Variants in SLIT3 observed in about 807,000 individuals in gnomAD.
SLIT3 encodes slit homolog 3 protein.
A neutral mutation model predicts 184.0 loss-of-function variants in SLIT3; 68 were observed. The ratio of observed to expected loss-of-function variants is 0.37; its 90% CI spans 0.30 to 0.45. The LOEUF (loss-of-function observed/expected upper bound fraction) is 0.45, where lower values mean the gene tolerates loss of function less well. Among genes scored for constraint, SLIT3 ranks in the 20% least tolerant of loss-of-function variants. The probability of loss-of-function intolerance (pLI) is 1.00; values close to 1 mark genes in which losing one functional copy is unlikely to be tolerated. For missense variants in SLIT3, 1,707 were observed against 2,026.0 expected (o/e 0.84, Z 3.02); for synonymous variants, 831 against 828.6 (o/e 1.00, Z -0.05).
chr5:168,990,023 G>T (rs1231657732), intron 4 of SLIT3, among the ~76,000 whole-genome samples: 1 of 152,226 alleles, frequency 6.6e-6, no homozygotes, highest in Non-Finnish European at 1.5e-5. Context: ...TGCTATTCAT[G>T]TGGGTTCAGG....
intron 25 of SLIT3, among the ~76,000 whole-genome samples, chr5:168,710,452 TA>T (rs1762519423): frequency 1.3e-5 from 2 of 152,082 alleles, no homozygotes; most frequent in Admixed American, 6.6e-5. Context: ...AATGTTGGAT[TA>T]AAAAATGCAG....
chr5:169,156,151 A>G (rs73315663), intron 4 of SLIT3, among the ~76,000 whole-genome samples: 6,303 of 152,254 alleles, frequency 0.041, 458 homozygotes, highest in African/African-American at 0.14. Context: ...CAGGCTCACT[A>G]CTATGAGATG....
chr5:168,930,268 A>G (rs1327280826), intron 4 of SLIT3, among the ~76,000 whole-genome samples: 1 of 152,234 alleles, frequency 6.6e-6, no homozygotes, highest in African/African-American at 2.4e-5. Context: ...GGGGAGAGCC[A>G]TACGCTGTAA....
intron 4 of SLIT3, among the ~76,000 whole-genome samples, chr5:168,954,857 C>T (rs1193471705): frequency 6.6e-6 from 1 of 152,186 alleles, no homozygotes; most frequent in Non-Finnish European, 1.5e-5. Context: ...GTGGCCAGAT[C>T]TTCTGAGTTT....
chr5:169,239,480 T>A (rs1483437473), intron 3 of SLIT3, among the ~76,000 whole-genome samples: 1 of 152,142 alleles, frequency 6.6e-6, no homozygotes, highest in Non-Finnish European at 1.5e-5. Flanking sequence ...TTTTAAATAT[T>A]TAATTTCTCT....
chr5:168,760,868 C>G lies in SLIT3; in HGVS notation c.1679G>C (p.Arg560Pro). The change falls in exon 16 of 36, where the codon CGG (arginine) becomes CCG (proline). Residue 560 changes from arginine (R) to proline (P), a missense_variant. Arg to Pro is a moderately radical substitution (Grantham distance 103). Coordinates refer to ENST00000519560, the MANE Select transcript of SLIT3 (RefSeq NM_003062.4). Reference protein sequence around the residue: ...TGIFKKLPNLRKINLSNNKIK... With the variant: ...TGIFKKLPNLPKINLSNNKIK... The stretch of plus-strand genomic sequence containing the variant: ...GTTCCTGAAGTTGACTTACATTTTC[C>G]GCAGGTTGGGCAACTTCTTGAAGAT... The G allele has an allele frequency of 6.2e-7, 1 of 1,612,764 alleles. No homozygotes were observed. Among genetic ancestry groups the G allele is most frequent in the Non-Finnish European group, 8.5e-7 (1 of 1,178,824 alleles).
chr5:169,135,256 T>G (rs1244695463), intron 4 of SLIT3, among the ~76,000 whole-genome samples: 1 of 152,122 alleles, frequency 6.6e-6, no homozygotes, highest in East Asian at 1.9e-4. Context: ...GGATTACAGG[T>G]GCCCGCCACC....
intron 3 of SLIT3, among the ~76,000 whole-genome samples, chr5:169,210,501 A>T (rs1465431939): frequency 6.6e-6 from 1 of 152,192 alleles, no homozygotes; most frequent in Non-Finnish European, 1.5e-5. Flanking sequence ...TATAGAATGT[A>T]CTGGCACTTG....
At position 169,137,567 on chromosome 5, in the gene SLIT3, C is replaced by T. The variant is rs75836000; in HGVS notation, c.413+55912G>A. Among the ~76,000 whole-genome samples the T allele has an allele frequency of 8.5e-3, 1,296 of 152,112 alleles. 24 individuals are homozygous for T. The highest frequency in any genetic ancestry group is 0.03 in the African/African-American group (1,239 of 41,500). On this transcript the variant is annotated intron_variant, in intron 4 of 35. Coordinates refer to ENST00000519560, the MANE Select transcript of SLIT3 (RefSeq NM_003062.4). ...CCTGACAGGGGTTTTTCCTGGCTTACGTCCCTTCATCCACATCCCCCAAAT... is the reference window on the plus strand; with the variant it reads ...CCTGACAGGGGTTTTTCCTGGCTTATGTCCCTTCATCCACATCCCCCAAAT...
At chr5:169,164,359 G>A (rs1204446624) in intron 4 of SLIT3, among the ~76,000 whole-genome samples, 4 of 152,144 alleles carry the variant, frequency 2.6e-5, no homozygotes, top group Admixed American at 6.5e-5. Flanking sequence ...TCTCAGGACC[G>A]CAGCCCCTTT....
chr5:169,189,632 TGATTGAG>T (rs548455021), intron 4 of SLIT3, among the ~76,000 whole-genome samples: 132 of 144,780 alleles, frequency 9.1e-4, no homozygotes, highest in Middle Eastern at 7.4e-3. Context: ...ATAAGAGCAT[TGATTGAG>T]GCTTAGGCAG....
intron 4 of SLIT3, among the ~76,000 whole-genome samples, chr5:169,066,801 A>G (rs1758362751): frequency 6.6e-6 from 1 of 152,224 alleles, no homozygotes; most frequent in African/African-American, 2.4e-5. Flanking sequence ...GTCCAACAAA[A>G]GGCAGAGATT....
rs534090611 is a variant in SLIT3, at chr5:168,840,054, C to T, written c.557+4530G>A. On this transcript the variant is annotated intron_variant, in intron 6 of 35. Transcript: ENST00000519560. ...CTGGAGACACCTAAGGTCCTACCAG[C>T]GCCAACCTATAATAATGTCAGTGAA... 9.8e-5 allele frequency among the ~76,000 whole-genome samples: 15 copies of T among 152,290 alleles called. 1 individual carries two copies. Among genetic ancestry groups the T allele is most frequent in the East Asian group, 5.8e-4 (3 of 5,188 alleles).
chr5:169,040,930 T>C (rs6887076), intron 4 of SLIT3, among the ~76,000 whole-genome samples: 24,126 of 152,162 alleles, frequency 0.16, 2,647 homozygotes, highest in East Asian at 0.41. Context: ...GATTGATGCA[T>C]TAATGTGAGA....
chr5:169,296,830 C>T (rs1767516719), intron 1 of SLIT3, among the ~76,000 whole-genome samples: 1 of 152,192 alleles, frequency 6.6e-6, no homozygotes, highest in African/African-American at 2.4e-5. Flanking sequence ...CAGCATGTTC[C>T]AGAGCCAAGT....
chr5:168,704,939 G>C (rs538340272), intron 26 of SLIT3, among the ~76,000 whole-genome samples: 1 of 152,278 alleles, frequency 6.6e-6, no homozygotes, highest in South Asian at 2.1e-4. Flanking sequence ...ATAGCACAGA[G>C]AATTTGATGC....
chr5:168,678,454 C>T (rs983921106), intron 32 of SLIT3, among the ~76,000 whole-genome samples: 19 of 152,070 alleles, frequency 1.2e-4, no homozygotes, highest in South Asian at 2.1e-4. Context: ...GAGGCCGAGG[C>T]GGGCGGATCA....
At chr5:169,076,965 T>TAC (rs138683588) in intron 4 of SLIT3, among the ~76,000 whole-genome samples, 11 of 150,824 alleles carry the variant, frequency 7.3e-5, no homozygotes, top group East Asian at 2.0e-4. Context: ...CACACACACA[T>TAC]ACACACACAC....
At chr5:168,878,479 C>T (rs1320890494) in intron 5 of SLIT3, among the ~76,000 whole-genome samples, 2 of 152,316 alleles carry the variant, frequency 1.3e-5, no homozygotes, top group Admixed American at 6.5e-5. Flanking sequence ...GGACTCTGCT[C>T]TGTAGCAGCT....
Sources: allele counts gnomAD v4.1 joint callset (sites outside exome capture counted in the v4.1 genomes callset), GRCh38; gene constraint gnomAD v4.1.1; transcripts MANE v1.5; gene names NCBI Gene and HGNC (gene_info 2026-07-23, HGNC 2026-07-21).